VPS13A: variants seen among roughly 807,000 people sequenced by gnomAD.
VPS13A encodes vacuolar protein sorting 13 homolog A.
In VPS13A, 264 loss-of-function variants were observed where a neutral mutation model predicts 390.9. The observed-to-expected ratio is 0.68, with a 90% CI of 0.61 to 0.75. VPS13A has a LOEUF of 0.75. Ranked by LOEUF, VPS13A falls within the 30% of genes least tolerant of loss-of-function variation. The pLI, the probability that VPS13A is intolerant of heterozygous loss-of-function variation, is 0.00. For synonymous variants in VPS13A, 1,231 were observed against 1,227.1 expected (o/e 1.00, Z -0.07); for missense variants, 3,409 against 3,733.9 (o/e 0.91, Z 2.27).
At chr9:77,401,410 G>T (rs1834390135) in intron 68 of VPS13A, among the ~76,000 whole-genome samples, 1 of 148,200 alleles carries the variant, frequency 6.7e-6, no homozygotes, top group South Asian at 2.2e-4. Context: ...TCTTTATTAT[G>T]ATAAATTTTT....
intron 62 of VPS13A, 86 bp downstream of exon 62, chr9:77,368,222 T>C (rs1832545161): frequency 1.8e-6 from 2 of 1,090,970 alleles, no homozygotes. Context: ...TGTGGAACTA[T>C]TGAGGAACTA....
At chr9:77,403,122 A>G in intron 68 of VPS13A, 114 bp from the exon 69 acceptor site, 1 of 712,608 alleles carries the variant, frequency 1.4e-6, no homozygotes, top group Non-Finnish European at 2.5e-6. Context: ...TGTTTTCTCT[A>G]TGTTAATGGT....
At chr9:77,284,691 A>AAATTT (rs1482276611) in intron 31 of VPS13A, among the ~76,000 whole-genome samples, 6 of 151,884 alleles carry the variant, frequency 4.0e-5, no homozygotes, top group African/African-American at 1.5e-4. Flanking sequence ...TTTTCTCTGT[A>AAATTT]ATTTTATTTT....
At chr9:77,204,033 T>C (rs1289953497) in intron 3 of VPS13A, among the ~76,000 whole-genome samples, 2 of 152,084 alleles carry the variant, frequency 1.3e-5, no homozygotes, top group Non-Finnish European at 2.9e-5. Flanking sequence ...CTACAAAAAA[T>C]ATAAAAAAGA....
chr9:77,275,719 A>G (rs571431866), intron 25 of VPS13A, 67 bp downstream of exon 25: 2 of 1,510,644 alleles, frequency 1.3e-6, no homozygotes, highest in Admixed American at 1.7e-5. Context: ...AGCTTACTAT[A>G]TAGTCTCATT....
intron 1 of VPS13A, among the ~76,000 whole-genome samples, chr9:77,179,583 T>C (rs1475842442): frequency 2.0e-5 from 3 of 152,172 alleles, no homozygotes; most frequent in Admixed American, 6.5e-5. Context: ...TTTTGGAGGT[T>C]ATAAATAAAG....
chr9:77,336,023 G>A (rs1332587590), intron 46 of VPS13A, among the ~76,000 whole-genome samples: 1 of 152,164 alleles, frequency 6.6e-6, no homozygotes, highest in Non-Finnish European at 1.5e-5. Context: ...ATACTACGCA[G>A]CCATAGAAAA....
chr9:77,357,427 C>A (rs1198480078), intron 55 of VPS13A, among the ~76,000 whole-genome samples: 1 of 130,140 alleles, frequency 7.7e-6, no homozygotes, highest in Non-Finnish European at 1.6e-5. Flanking sequence ...TTTATTTTTT[C>A]ACTGTACTTT....
At chr9:77,200,431 G>A (rs1313242511) in intron 2 of VPS13A, among the ~76,000 whole-genome samples, 1 of 152,224 alleles carries the variant, frequency 6.6e-6, no homozygotes, top group Non-Finnish European at 1.5e-5. Context: ...GGAGGCTGTA[G>A]TAAATGGAGA....
chr9:77,278,146 C>T (rs1004588916), intron 26 of VPS13A, among the ~76,000 whole-genome samples: 1 of 152,034 alleles, frequency 6.6e-6, no homozygotes, highest in East Asian at 1.9e-4. Context: ...TCTCGGCTCA[C>T]TGCAAGCTCC....
At chr9:77,333,359 TACTG>T (rs1010523580) in intron 46 of VPS13A, among the ~76,000 whole-genome samples, 26 of 152,244 alleles carry the variant, frequency 1.7e-4, no homozygotes, top group African/African-American at 3.4e-4. Context: ...TGAGAATTGT[TACTG>T]ACTAAGTACT....
rs1262145586 is a variant in VPS13A at position 77,205,103 on chromosome 9, A to G, written c.188-210A>G. 3.9e-5 allele frequency among the ~76,000 whole-genome samples: 6 copies of G among 152,228 alleles called. No individual in the cohort carries two copies. In the East Asian group the frequency reaches 1.2e-3, roughly 29 times the overall value. ...TCGAATATAATCTAGGTTTTCCAAC[A>G]GTACTGATATAAATACAATAATTTC... On this transcript the variant is annotated intron_variant, in intron 3 of 71. Coordinates refer to ENST00000360280, the MANE Select transcript of VPS13A (RefSeq NM_033305.3).
chr9:77,311,944 A>C (rs1829098392), intron 35 of VPS13A, among the ~76,000 whole-genome samples: 1 of 152,200 alleles, frequency 6.6e-6, no homozygotes, highest in Admixed American at 6.5e-5. Context: ...GGAAATTAAG[A>C]AGTTGTTTGA....
At chr9:77,311,893 A>G (rs1294052758) in intron 35 of VPS13A, among the ~76,000 whole-genome samples, 1 of 152,212 alleles carries the variant, frequency 6.6e-6, no homozygotes, top group Non-Finnish European at 1.5e-5. Flanking sequence ...AAAAGCTTGA[A>G]CAATTTCTAA....
At chr9:77,208,287 T>C (rs1176212223) in intron 5 of VPS13A, among the ~76,000 whole-genome samples, 1 of 152,166 alleles carries the variant, frequency 6.6e-6, no homozygotes, top group Non-Finnish European at 1.5e-5. Context: ...TTGAGGTACA[T>C]ATGATTAGTA....
In VPS13A at chr9:77,398,661, C is replaced by T. The variant is rs1460315959; in HGVS notation, c.9190-4575C>T. Among the ~76,000 whole-genome samples, 11 of 152,262 alleles carry T rather than the reference C, an allele frequency of 7.2e-5. No homozygotes were observed. In the East Asian group the frequency reaches 2.1e-3, roughly 29 times the overall value. ...ACAGCGTGACGTTCTCTCCCATTAA[C>T]TTCTGTGGATTCAGTTTGAAAGTTT... On this transcript the variant is annotated intron_variant, in intron 68 of 71. Transcript: ENST00000360280.
At chr9:77,220,512 A>G (rs924843395) in intron 12 of VPS13A, 129 bp downstream of exon 12, 7 of 679,038 alleles carry the variant, frequency 1.0e-5, no homozygotes, top group Non-Finnish European at 1.5e-5. Flanking sequence ...ATTGATTTAT[A>G]GCTAGAAATA....
At chr9:77,300,083 G>A (rs1363413900) in intron 33 of VPS13A, among the ~76,000 whole-genome samples, 3 of 152,006 alleles carry the variant, frequency 2.0e-5, no homozygotes, top group Admixed American at 6.5e-5. Flanking sequence ...CCCAGAACTA[G>A]TATAAAAAAA....
At chr9:77,256,471 T>C (rs1825450672) in intron 22 of VPS13A, among the ~76,000 whole-genome samples, 1 of 152,170 alleles carries the variant, frequency 6.6e-6, no homozygotes, top group Admixed American at 6.5e-5. Flanking sequence ...TTTTCCTGGA[T>C]GGAGTGTTCT....
Sources: allele counts gnomAD v4.1 joint callset (sites outside exome capture counted in the v4.1 genomes callset), GRCh38; gene constraint gnomAD v4.1.1; transcripts MANE v1.5; gene names NCBI Gene and HGNC (gene_info 2026-07-23, HGNC 2026-07-21).